CRYGN: variants seen among roughly 807,000 people sequenced by gnomAD.
The protein encoded by CRYGN is gamma-crystallin N.
In CRYGN, 17 loss-of-function variants were observed where a neutral mutation model predicts 19.2. That is an observed-to-expected ratio of 0.89 (90% confidence interval 0.61 to 1.33). The LOEUF (loss-of-function observed/expected upper bound fraction) is 1.33. Among genes scored for constraint, CRYGN ranks in the 40% most tolerant of loss-of-function variants. The probability of loss-of-function intolerance (pLI) is 0.00; values close to 1 mark genes in which losing one functional copy is unlikely to be tolerated. For missense variants in CRYGN, 239 were observed against 239.6 expected, an observed-to-expected ratio of 1.00 and a Z score of 0.02; for synonymous variants, 84 against 85.8, an observed-to-expected ratio of 0.98 and a Z score of 0.12.
At chr7:151,432,156 G>A in intron 3 of CRYGN, 1 of 1,227,388 alleles carries the variant, frequency 8.1e-7, no homozygotes, top group Non-Finnish European at 1.0e-6. Context: ...TCGGCTGGAA[G>A]AAGTTGACCA....
In CRYGN at chr7:151,431,292, G is replaced by A. The variant is rs1801456866; in HGVS notation, c.417-1112C>T. Among the ~76,000 whole-genome samples the A allele has an allele frequency of 2.0e-5, 3 of 152,122 alleles. No homozygotes were observed. The highest frequency in any genetic ancestry group is 2.0e-4 in the Admixed American group (3 of 15,278). On this transcript the variant is annotated intron_variant, in intron 3 of 3. Transcript: ENST00000337323. This position sits in a 1 kb window ranked among gnomAD's most constrained non-coding sequence, Gnocchi z 4.8. Reference sequence around the variant, plus strand: ...GGAGTGGGGGGATGCTTTTGGGGACGTGGACCTCTTATGCCCAGGAATCCC... The same window carrying A: ...GGAGTGGGGGGATGCTTTTGGGGACATGGACCTCTTATGCCCAGGAATCCC...
chr7:151,436,137 G>A lies in CRYGN; in HGVS notation c.416+43C>T. ...AGCCTCCCACGCCTGGTGCTGAAGG[G>A]CCTAGCCGGGCCTCGGGGTGCGGCC... On this transcript the variant is annotated intron_variant, in intron 3 of 3. Coordinates refer to ENST00000337323, the MANE Select transcript of CRYGN (RefSeq NM_144727.3). This position sits in a 1 kb window ranked among gnomAD's most constrained non-coding sequence, Gnocchi z 5.1. 2.2e-6 allele frequency: 3 copies of A among 1,379,120 alleles called. No individual in the cohort carries two copies. Among genetic ancestry groups the A allele is most frequent in the Non-Finnish European group, 2.8e-6 (3 of 1,058,400 alleles). The allele number at this position is 1,379,120 out of a possible 1,614,324, so 85.4% of individuals were successfully genotyped here. A position where few individuals can be genotyped will look rare whatever the true frequency, so the allele number is the denominator to read the frequency against.
rs963761558 is a variant in CRYGN, at chr7:151,435,944, C to T, written c.416+236G>A. ...GGAAGGTCTCAGGGTGCCTCTGGGG[C>T]CCAGAGTCCCTCTCTGAGGCCCTTC... is the stretch of plus-strand genomic sequence containing the variant. On this transcript the variant is annotated intron_variant, in intron 3 of 3. Coordinates refer to ENST00000337323, the MANE Select transcript of CRYGN (RefSeq NM_144727.3). This position sits in a 1 kb window ranked among gnomAD's most constrained non-coding sequence, Gnocchi z 4.2. Among the ~76,000 whole-genome samples, 3 of 152,150 alleles carry T rather than the reference C, an allele frequency of 2.0e-5. No individual in the cohort carries two copies. Among genetic ancestry groups the T allele is most frequent in the Admixed American group, 2.0e-4 (3 of 15,284 alleles).
chr7:151,439,326 A>G (rs1234952756), intron 1 of CRYGN, among the ~76,000 whole-genome samples: 1 of 152,052 alleles, frequency 6.6e-6, no homozygotes, highest in African/African-American at 2.4e-5. Flanking sequence ...GGCCTTGGAG[A>G]CCAAAGGCTT....
At chr7:151,434,080 C>T (rs1471989351) in intron 3 of CRYGN, among the ~76,000 whole-genome samples, 2 of 152,174 alleles carry the variant, frequency 1.3e-5, no homozygotes, top group Non-Finnish European at 2.9e-5. Context: ...GGCCTCCTAG[C>T]AGTGTCCCCT....
chr7:151,438,360 C>A, intron 1 of CRYGN, 116 bp from the exon 2 acceptor site: 1 of 1,045,726 alleles, frequency 9.6e-7, no homozygotes, highest in Non-Finnish European at 1.4e-6. Flanking sequence ...CCCCCAAAAG[C>A]CCAGACCTGC....
Position 151,439,888 on chromosome 7 carries a change from C to G in CRYGN, c.21+9G>C. On this transcript the variant is annotated intron_variant, in intron 1 of 3. Transcript: ENST00000337323. ...ACTCGGTTTCCTTGGGGTTGAGGGACGCACTCACCTTCCCCGAGCGCTGCG... is the reference window on the plus strand; with the variant it reads ...ACTCGGTTTCCTTGGGGTTGAGGGAGGCACTCACCTTCCCCGAGCGCTGCG... 2 of 1,557,270 alleles carry G rather than the reference C, an allele frequency of 1.3e-6. No homozygotes were observed. Among genetic ancestry groups the G allele is most frequent in the Non-Finnish European group, 1.7e-6 (2 of 1,152,552 alleles).
chr7:151,437,744 T>A, intron 2 of CRYGN: 6 of 1,163,680 alleles, frequency 5.2e-6, no homozygotes, highest in Non-Finnish European at 7.0e-6. Context: ...GCTAGATTTT[T>A]GGCTCCGAAA....
At chr7:151,432,045 G>T in intron 3 of CRYGN, 2 of 474,154 alleles carry the variant, frequency 4.2e-6, no homozygotes, top group Non-Finnish European at 6.8e-6. Context: ...CCGCCCGTTG[G>T]CTTTGAGGAC....
At chr7:151,437,479 C>A (rs1801645904) in intron 2 of CRYGN, among the ~76,000 whole-genome samples, 1 of 152,224 alleles carries the variant, frequency 6.6e-6, no homozygotes, top group African/African-American at 2.4e-5. Context: ...GCCCTCCCTG[C>A]ACACACCTCT....
intron 2 of CRYGN, among the ~76,000 whole-genome samples, chr7:151,437,441 C>G (rs1054535232): frequency 6.6e-6 from 1 of 152,228 alleles, no homozygotes; most frequent in African/African-American, 2.4e-5. Flanking sequence ...AACAGTCTTT[C>G]GCCACCGGGG....
In CRYGN at chr7:151,436,133, A is replaced by G. The variant is rs1801598934; in HGVS notation, c.416+47T>C. The G allele has an allele frequency of 7.3e-7, 1 of 1,365,522 alleles. No individual in the cohort carries two copies. Among genetic ancestry groups the G allele is most frequent in the Admixed American group, 2.9e-5 (1 of 34,446 alleles). The allele number at this position is 1,365,522 out of a possible 1,614,324, so 84.6% of individuals were successfully genotyped here. Reference sequence around the variant, plus strand: ...GGGCAGCCTCCCACGCCTGGTGCTGAAGGGCCTAGCCGGGCCTCGGGGTGC... The same window carrying G: ...GGGCAGCCTCCCACGCCTGGTGCTGGAGGGCCTAGCCGGGCCTCGGGGTGC... On this transcript the variant is annotated intron_variant, in intron 3 of 3. Transcript: ENST00000337323. The surrounding 1 kb of genome is among the most constrained non-coding windows in gnomAD (Gnocchi z 5.1).
chr7:151,432,065 C>G, intron 3 of CRYGN: 1 of 600,832 alleles, frequency 1.7e-6, no homozygotes, highest in East Asian at 3.5e-5. Flanking sequence ...CTTTTATCGC[C>G]CAAGGTCCCG....
chr7:151,434,806 T>C (rs918541025), intron 3 of CRYGN, among the ~76,000 whole-genome samples: 9 of 152,210 alleles, frequency 5.9e-5, no homozygotes, highest in African/African-American at 2.2e-4. Context: ...TGAATCCACA[T>C]TGAACAAGAT....
chr7:151,436,320 T>C lies in CRYGN; in HGVS notation c.276A>G (p.Gly92=), dbSNP rs79151569. The change falls in exon 3 of 4, where the codon GGA becomes GGG. Residue 92 remains glycine, a synonymous_variant. Transcript: ENST00000337323. This position sits in a 1 kb window ranked among gnomAD's most constrained non-coding sequence, Gnocchi z 5.1. ...MGSCRPVGMH[G]EHFRLEIFEG... is the part of the protein sequence containing the mutation. The stretch of plus-strand genomic sequence containing the variant: ...CGAAGATTTCTAGGCGGAAATGTTC[T>C]CCGTGCTCCAAGACCAAGCAAAAAA... 5.9e-3 allele frequency: 9,322 copies of C among 1,569,668 alleles called. 430 individuals are homozygous for C. In the African/African-American group the frequency reaches 0.11, roughly 18 times the overall value.
chr7:151,430,196 G>A lies in CRYGN; in HGVS notation c.417-16C>T, dbSNP rs1033216493. 1 of 1,613,202 alleles carries A rather than the reference G, an allele frequency of 6.2e-7. No individual in the cohort carries two copies. The highest frequency in any genetic ancestry group is 1.3e-5 in the African/African-American group (1 of 74,912). On this transcript the variant is annotated splice_polypyrimidine_tract_variant and intron_variant, in intron 3 of 3. Coordinates refer to ENST00000337323, the MANE Select transcript of CRYGN (RefSeq NM_144727.3). This position sits in a 1 kb window ranked among gnomAD's most constrained non-coding sequence, Gnocchi z 5.2. Reference sequence around the variant, plus strand: ...GCTCCATGCTCTGTGGTTTGCAGGTGAAAGGAGGTGGGGCCAGGGCATTAG... The same window carrying A: ...GCTCCATGCTCTGTGGTTTGCAGGTAAAAGGAGGTGGGGCCAGGGCATTAG...
In CRYGN at chr7:151,429,737, C is replaced by T. The variant is rs756199562; in HGVS notation, c.*311G>A. ...TACAGAGCCTGGCATTAAGTCAGTGCTCCATAAATATTCATCAACATCATC... is the reference window on the plus strand; with the variant it reads ...TACAGAGCCTGGCATTAAGTCAGTGTTCCATAAATATTCATCAACATCATC... On this transcript the variant is annotated 3_prime_UTR_variant, in exon 4 of 4. Transcript: ENST00000337323. 2.4e-5 allele frequency: 10 copies of T among 418,514 alleles called. No individual in the cohort carries two copies. The highest frequency in any genetic ancestry group is 4.0e-5 in the Non-Finnish European group (9 of 227,362). The allele number at this position is 418,514 out of a possible 1,614,324, so 25.9% of individuals were successfully genotyped here. A position where few individuals can be genotyped will look rare whatever the true frequency, so the allele number is the denominator to read the frequency against.
At chr7:151,437,465 G>A (rs759345550) in intron 2 of CRYGN, among the ~76,000 whole-genome samples, 5 of 152,280 alleles carry the variant, frequency 3.3e-5, no homozygotes, top group Admixed American at 1.3e-4. Context: ...CATGCCCCTC[G>A]TCTGCCCTCC....
chr7:151,430,171 G>T lies in CRYGN; in HGVS notation c.426C>A (p.Ser142Arg). The change falls in exon 4 of 4, where the codon AGC (serine) becomes AGA (arginine). Residue 142 changes from serine to arginine, a missense_variant. Coordinates refer to ENST00000337323, the MANE Select transcript of CRYGN (RefSeq NM_144727.3). This position sits in a 1 kb window ranked among gnomAD's most constrained non-coding sequence, Gnocchi z 5.2. ...AGTCCTCAGCTCCGAAGCTTCTAGG[G>T]CTCCATGCTCTGTGGTTTGCAGGTG... ...IKVYGDGAAW[S>R]PRSFGAEDFQ... 1.2e-6 allele frequency: 2 copies of T among 1,613,944 alleles called. No individual in the cohort carries two copies. Among genetic ancestry groups the T allele is most frequent in the Non-Finnish European group, 8.5e-7 (1 of 1,180,002 alleles).
Sources: gnomAD v4.1 joint callset for allele counts (sites outside exome capture counted in the v4.1 genomes callset) on GRCh38, gnomAD v4.1.1 for gene constraint, Gnocchi (gnomAD v3.1) non-coding constraint, MANE v1.5 for transcripts, NCBI Gene and HGNC (gene_info 2026-07-23, HGNC 2026-07-21) for gene names.